Variants in WNT2 observed in about 807,000 individuals in gnomAD.
The protein encoded by WNT2 is Wnt family member 2, also known as protein Wnt-2.
WNT2 carries 12 observed loss-of-function variants against 36.9 expected under a neutral mutation model. That is an observed-to-expected ratio of 0.33 (90% CI 0.21 to 0.53). The LOEUF (loss-of-function observed/expected upper bound fraction) is 0.53, where lower values mean the gene tolerates loss of function less well. WNT2 is among the 20% of genes least tolerant of loss of function. The pLI is 0.95. For synonymous variants in WNT2, 163 were observed against 174.6 expected (o/e 0.93, Z 0.52); for missense variants, 379 against 473.1 (o/e 0.80, Z 1.84).
chr7:117,277,868 C>G lies in WNT2; in HGVS notation c.*287G>C. 1 of 439,668 alleles carries G rather than the reference C, an allele frequency of 2.3e-6. No individual in the cohort carries two copies. The highest frequency in any genetic ancestry group is 2.7e-5 in the South Asian group (1 of 36,788). The allele number at this position is 439,668 out of a possible 1,614,324, so 27.2% of individuals were successfully genotyped here. A position where few individuals can be genotyped will look rare whatever the true frequency, so the allele number is the denominator to read the frequency against. On this transcript the variant is annotated 3_prime_UTR_variant, in exon 5 of 5. Transcript: ENST00000265441. ...GGTGGGTGGAGACAGTGGTCTGGGC[C>G]CACCACCCTCCCGGCTGAACAGCCT... is the stretch of plus-strand genomic sequence containing the variant.
intron 3 of WNT2, among the ~76,000 whole-genome samples, chr7:117,312,152 G>T (rs1411213693): frequency 1.3e-5 from 2 of 151,820 alleles, no homozygotes; most frequent in Admixed American, 6.6e-5. Flanking sequence ...TAACTTTTTT[G>T]TTTGTTTGTT....
chr7:117,297,774 C>A lies in WNT2; in HGVS notation c.691G>T (p.Gly231Cys). Reference protein sequence around the residue: ...WLAMADFRKTGDYLWRKYNGA... With the variant: ...WLAMADFRKTCDYLWRKYNGA... ...TTGTACTTCCTCCAGAGATAATCGC[C>A]CGTTTTCCTGAAGTCGGCCATGGCC... The change falls in exon 4 of 5, where the codon GGC becomes TGC. Residue 231 changes from glycine (G) to cysteine (C), a missense_variant. Coordinates refer to ENST00000265441, the MANE Select transcript of WNT2 (RefSeq NM_003391.3). The A allele has an allele frequency of 6.2e-7, 1 of 1,614,144 alleles. No individual in the cohort carries two copies. The highest frequency in any genetic ancestry group is 8.5e-7 in the Non-Finnish European group (1 of 1,180,030).
At chr7:117,289,539 T>TC (rs1794647487) in intron 4 of WNT2, among the ~76,000 whole-genome samples, 2 of 152,156 alleles carry the variant, frequency 1.3e-5, no homozygotes, top group Non-Finnish European at 1.5e-5. Context: ...TGCCTAGTAA[T>TC]CCCCTTCAAA....
rs1794379155 is a variant in WNT2, at chr7:117,276,448, G to C, written c.*1707C>G. ...GAATCCATAGAATAAAAGGAGGAAA[G>C]AGTCACTTTGGAAAAGTTAGACAAC... On this transcript the variant is annotated 3_prime_UTR_variant, in exon 5 of 5. Transcript: ENST00000265441. Among the ~76,000 whole-genome samples the C allele has an allele frequency of 6.6e-6, 1 of 152,188 alleles. No individual in the cohort carries two copies. Among genetic ancestry groups the C allele is most frequent in the Non-Finnish European group, 1.5e-5 (1 of 68,042 alleles).
Position 117,278,269 on chromosome 7 carries a change from C to T in WNT2, c.969G>A (p.Lys323=), listed in dbSNP as rs1794417244. The T allele has an allele frequency of 1.2e-6, 2 of 1,614,250 alleles. No individual in the cohort carries two copies. The highest frequency in any genetic ancestry group is 1.6e-4 in the Middle Eastern group (1 of 6,062). ...YDTSHVTRMT[K]CGCKFHWCCA... ...AGCACCAGTGGAACTTACACCCACA[C>T]TTGGTCATCCGGGTGACATGGGAGG... is the stretch of plus-strand genomic sequence containing the variant. Residue 323 remains lysine (K), a synonymous_variant, in exon 5 of 5, where the codon AAG becomes AAA. Transcript: ENST00000265441.
chr7:117,301,305 A>C (rs144618702), intron 3 of WNT2, among the ~76,000 whole-genome samples: 2,393 of 152,132 alleles, frequency 0.016, 53 homozygotes, highest in Non-Finnish European at 0.017. Flanking sequence ...TTGAAATTCA[A>C]ACCCTTAACC....
In WNT2 at chr7:117,301,593, C is replaced by T. The variant is rs147464142; in HGVS notation, c.589-3717G>A. 9.9e-5 allele frequency among the ~76,000 whole-genome samples: 15 copies of T among 152,272 alleles called. No individual in the cohort carries two copies. The East Asian group carries it at 2.9e-3, about 29-fold the overall frequency. On this transcript the variant is annotated intron_variant, in intron 3 of 4. Transcript: ENST00000265441. Reference sequence around the variant, plus strand: ...ATCACCGTCAGGCAAAGTAAGTTATCGTTCCCATTCTATGCTTATGAAAAC... The same window carrying T: ...ATCACCGTCAGGCAAAGTAAGTTATTGTTCCCATTCTATGCTTATGAAAAC...
intron 3 of WNT2, among the ~76,000 whole-genome samples, chr7:117,303,205 G>A (rs1794940576): frequency 6.6e-6 from 1 of 152,192 alleles, no homozygotes; most frequent in Non-Finnish European, 1.5e-5. Flanking sequence ...AGAGGAGAAG[G>A]TGAGAAACCC....
chr7:117,302,078 G>A (rs992448052), intron 3 of WNT2, among the ~76,000 whole-genome samples: 1 of 152,030 alleles, frequency 6.6e-6, no homozygotes, highest in African/African-American at 2.4e-5. Context: ...TTACAGGTGT[G>A]AGCCACTGTG....
rs1173170219 is a variant in WNT2, at chr7:117,278,172, A to G, written c.1066T>C (p.Trp356Arg). Residue 356 changes from tryptophan (W) to arginine (R), a missense_variant, in exon 5 of 5, where the codon TGG (tryptophan) becomes CGG (arginine). Coordinates refer to ENST00000265441, the MANE Select transcript of WNT2 (RefSeq NM_003391.3). ...TGCTGGGGTCATGTAGCGGTTGTCCAGTCAGCGTTCTTGGGGGCCTTGCAT... is the reference window on the plus strand; with the variant it reads ...TGCTGGGGTCATGTAGCGGTTGTCCGGTCAGCGTTCTTGGGGGCCTTGCAT... The part of the protein sequence containing the change: ...HTCKAPKNAD[W>R]TTAT 2 of 1,614,120 alleles carry G rather than the reference A, an allele frequency of 1.2e-6. No individual in the cohort carries two copies. The highest frequency in any genetic ancestry group is 2.7e-5 in the African/African-American group (2 of 74,944).
At chr7:117,311,449 G>T (rs1312661403) in intron 3 of WNT2, among the ~76,000 whole-genome samples, 1 of 152,162 alleles carries the variant, frequency 6.6e-6, no homozygotes, top group Non-Finnish European at 1.5e-5. Context: ...ATGATTCTAT[G>T]ACCCTGCTTT....
Position 117,284,967 on chromosome 7 carries a change from C to T in WNT2, c.854-6583G>A, listed in dbSNP as rs1303025223. The stretch of plus-strand genomic sequence containing the variant: ...CTCTTGACAGTCGTGACATTCTGAC[C>T]CTTTGCCGAGTGCCCAGTCCTGGTG... On this transcript the variant is annotated intron_variant, in intron 4 of 4. Coordinates refer to ENST00000265441, the MANE Select transcript of WNT2 (RefSeq NM_003391.3). This position sits in a 1 kb window ranked among gnomAD's most constrained non-coding sequence, Gnocchi z 5.2. Among the ~76,000 whole-genome samples the T allele has an allele frequency of 6.6e-6, 1 of 152,186 alleles. No individual in the cohort carries two copies. The highest frequency in any genetic ancestry group is 2.4e-5 in the African/African-American group (1 of 41,440).
At chr7:117,319,324 GA>G (rs1207348362) in intron 2 of WNT2, among the ~76,000 whole-genome samples, 1 of 152,162 alleles carries the variant, frequency 6.6e-6, no homozygotes, top group Non-Finnish European at 1.5e-5. Context: ...TTAAACTAGA[GA>G]ATAAAATTGC....
At chr7:117,307,063 GTTC>G (rs1795028308) in intron 3 of WNT2, among the ~76,000 whole-genome samples, 1 of 151,500 alleles carries the variant, frequency 6.6e-6, no homozygotes, top group East Asian at 1.9e-4. Context: ...ATTTTTTAGT[GTTC>G]TTTTTTTCTT....
In WNT2 at chr7:117,316,434, T is replaced by C. The variant is rs558005500; in HGVS notation, c.311-1086A>G. 2.6e-5 allele frequency among the ~76,000 whole-genome samples: 4 copies of C among 152,258 alleles called. No homozygotes were observed. In the South Asian group the frequency reaches 8.3e-4, roughly 32 times the overall value. On this transcript the variant is annotated intron_variant, in intron 2 of 4. Transcript: ENST00000265441. ...GCGGCAAATATATTAACAATCCAAA[T>C]AGAAGCTGGATAACCTAATGCCAAT... is the stretch of plus-strand genomic sequence containing the variant.
intron 3 of WNT2, among the ~76,000 whole-genome samples, chr7:117,306,640 A>T (rs1795019457): frequency 6.6e-6 from 1 of 152,134 alleles, no homozygotes; most frequent in Non-Finnish European, 1.5e-5. Context: ...GCCTTCTCGT[A>T]TGCTCCTGTT....
chr7:117,295,761 C>T (rs935745855), intron 4 of WNT2, among the ~76,000 whole-genome samples: 2 of 152,182 alleles, frequency 1.3e-5, no homozygotes, highest in South Asian at 2.1e-4. Context: ...AGACATCCAC[C>T]CTCTCCTACC....
intron 3 of WNT2, among the ~76,000 whole-genome samples, chr7:117,303,221 C>T (rs1794941240): frequency 1.3e-5 from 2 of 152,164 alleles, no homozygotes; most frequent in South Asian, 2.1e-4. Context: ...AACCCCTGCA[C>T]CGTGGCGGGA....
chr7:117,307,826 A>C (rs888554949), intron 3 of WNT2, among the ~76,000 whole-genome samples: 3 of 152,220 alleles, frequency 2.0e-5, no homozygotes, highest in African/African-American at 7.2e-5. Flanking sequence ...GCTGTGTGAA[A>C]TATTTGCCAA....
Sources: gnomAD v4.1 joint callset for allele counts (sites outside exome capture counted in the v4.1 genomes callset) on GRCh38, gnomAD v4.1.1 for gene constraint, Gnocchi (gnomAD v3.1) non-coding constraint, MANE v1.5 for transcripts, NCBI Gene and HGNC (gene_info 2026-07-23, HGNC 2026-07-21) for gene names.